MTSS1: variants seen among roughly 807,000 people sequenced by gnomAD.
MTSS1 encodes the protein MTSS I-BAR domain containing 1.
Under a neutral mutation model 79.0 loss-of-function variants are expected in MTSS1, and 18 were observed. The ratio of observed to expected loss-of-function variants is 0.23; its 90% CI spans 0.16 to 0.34. MTSS1 has a LOEUF of 0.34. Ranked by LOEUF, MTSS1 falls within the 10% of genes least tolerant of loss-of-function variation. MTSS1 has a pLI of 1.00. For missense variants in MTSS1, 815 were observed against 986.2 expected, an observed-to-expected ratio of 0.83 and a Z score of 2.33; for synonymous variants, 341 against 368.6, an observed-to-expected ratio of 0.93 and a Z score of 0.86.
At chr8:124,621,349 G>A (rs987328407) in intron 3 of MTSS1, among the ~76,000 whole-genome samples, 1 of 152,188 alleles carries the variant, frequency 6.6e-6, no homozygotes, top group African/African-American at 2.4e-5. Flanking sequence ...CCCCAGCCAT[G>A]GTCTCAGAAG....
chr8:124,728,039 A>C lies in MTSS1; in HGVS notation c.-84T>G. The C allele has an allele frequency of 7.8e-7, 1 of 1,280,350 alleles. No homozygotes were observed. Among genetic ancestry groups the C allele is most frequent in the Non-Finnish European group, 1.1e-6 (1 of 902,038 alleles). 79.3% of individuals were successfully genotyped at this position (1,280,350 alleles called of 1,614,324 possible). The stretch of plus-strand genomic sequence containing the variant: ...CCGGGGCTCGCTCACCCCAGAAGGA[A>C]TTTCACCTTCCGAGAGACCCACCTC... On this transcript the variant is annotated 5_prime_UTR_variant, in exon 1 of 14. Transcript: ENST00000518547. The surrounding 1 kb of genome is among the most constrained non-coding windows in gnomAD (Gnocchi z 6.1).
intron 3 of MTSS1, among the ~76,000 whole-genome samples, chr8:124,676,849 C>T (rs1350488121): frequency 6.6e-6 from 1 of 152,168 alleles, no homozygotes; most frequent in Admixed American, 6.5e-5. Context: ...CATCAATCAG[C>T]CAGCCACGGG....
intron 3 of MTSS1, among the ~76,000 whole-genome samples, chr8:124,660,290 G>A (rs942137966): frequency 1.3e-5 from 2 of 152,156 alleles, no homozygotes; most frequent in Non-Finnish European, 2.9e-5. Flanking sequence ...AATAGGCTGT[G>A]CCACAGAAAC....
intron 1 of MTSS1, 91 bp from the exon 2 acceptor site, chr8:124,704,282 A>G (rs1382044363): frequency 1.8e-6 from 2 of 1,110,080 alleles, no homozygotes; most frequent in African/African-American, 3.1e-5. Context: ...CATGCAGGGA[A>G]CAATCTGTGT....
At chr8:124,665,923 C>T (rs571371239) in intron 3 of MTSS1, among the ~76,000 whole-genome samples, 10 of 151,756 alleles carry the variant, frequency 6.6e-5, no homozygotes, top group Admixed American at 3.3e-4. Context: ...GTTGAAGTTC[C>T]ACTCTACTGC....
intron 1 of MTSS1, among the ~76,000 whole-genome samples, chr8:124,709,669 C>T (rs1587927465): frequency 1.3e-5 from 2 of 152,268 alleles, no homozygotes; most frequent in East Asian, 1.9e-4. Flanking sequence ...ATTAAAGAAA[C>T]GGGAAGAGAA....
intron 3 of MTSS1, among the ~76,000 whole-genome samples, chr8:124,628,970 G>C (rs1418949082): frequency 2.0e-5 from 3 of 152,178 alleles, no homozygotes; most frequent in Non-Finnish European, 4.4e-5. Flanking sequence ...AGTATCTTCA[G>C]GGAGGTTTTA....
chr8:124,596,698 C>T (rs931079787), intron 3 of MTSS1, among the ~76,000 whole-genome samples: 1 of 152,192 alleles, frequency 6.6e-6, no homozygotes, highest in Non-Finnish European at 1.5e-5. Context: ...ATCCAGATGT[C>T]GGCAGGGCCG....
intron 3 of MTSS1, among the ~76,000 whole-genome samples, chr8:124,661,748 A>G (rs1822073745): frequency 6.6e-6 from 1 of 152,138 alleles, no homozygotes; most frequent in South Asian, 2.1e-4. Flanking sequence ...ACTGTCCCAT[A>G]AAGGATTCCC....
At chr8:124,684,345 A>G (rs998455676) in intron 3 of MTSS1, among the ~76,000 whole-genome samples, 27 of 152,224 alleles carry the variant, frequency 1.8e-4, no homozygotes, top group Non-Finnish European at 2.9e-4. Flanking sequence ...CTAAAGGCTC[A>G]ACTATGCCTA....
chr8:124,648,445 C>T (rs1436258106), intron 3 of MTSS1, among the ~76,000 whole-genome samples: 1 of 152,112 alleles, frequency 6.6e-6, no homozygotes, highest in Admixed American at 6.5e-5. Flanking sequence ...CAATGAATTT[C>T]GTCTCACTGG....
intron 6 of MTSS1, among the ~76,000 whole-genome samples, chr8:124,570,652 A>T (rs1827563078): frequency 6.6e-6 from 1 of 152,070 alleles, no homozygotes; most frequent in Admixed American, 6.5e-5. Context: ...TCCCCTGAGG[A>T]GAAGGGGGAA....
intron 6 of MTSS1, chr8:124,580,534 TG>T: frequency 6.5e-7 from 1 of 1,535,726 alleles, no homozygotes; most frequent in Non-Finnish European, 8.7e-7. Context: ...ACCAGAGATT[TG>T]GGATGGTAGA....
At chr8:124,684,726 T>C (rs140249436) in intron 3 of MTSS1, among the ~76,000 whole-genome samples, 3 of 152,218 alleles carry the variant, frequency 2.0e-5, no homozygotes, top group Non-Finnish European at 2.9e-5. Context: ...GCTACAAAGT[T>C]AGGTTTGGTT....
chr8:124,670,049 G>A (rs868072730), intron 3 of MTSS1, among the ~76,000 whole-genome samples: 1 of 152,202 alleles, frequency 6.6e-6, no homozygotes, highest in Non-Finnish European at 1.5e-5. Flanking sequence ...GAGCCTACAT[G>A]CTAGTGGGAG....
At chr8:124,670,264 A>G (rs1000704996) in intron 3 of MTSS1, among the ~76,000 whole-genome samples, 1 of 152,134 alleles carries the variant, frequency 6.6e-6, no homozygotes, top group Non-Finnish European at 1.5e-5. Context: ...AGAGCAACCA[A>G]ACAGAGGGAA....
At chr8:124,656,416 G>A (rs918777868) in intron 3 of MTSS1, among the ~76,000 whole-genome samples, 3 of 150,854 alleles carry the variant, frequency 2.0e-5, no homozygotes, top group Non-Finnish European at 4.4e-5. Context: ...TGAGTAAAAA[G>A]TACGATCTCT....
At chr8:124,585,184 A>T in intron 5 of MTSS1, 23 bp from the exon 6 acceptor site, 1 of 1,569,540 alleles carries the variant, frequency 6.4e-7, no homozygotes, top group Middle Eastern at 1.7e-4. Flanking sequence ...AGAATATGGA[A>T]CAATTTTACC....
chr8:124,580,334 T>C (rs1829805708), intron 6 of MTSS1: 1 of 545,186 alleles, frequency 1.8e-6, no homozygotes, highest in African/African-American at 1.9e-5. Flanking sequence ...AGTGTTGTGC[T>C]AACATCGTAA....
Sources: gnomAD v4.1 joint callset for allele counts (sites outside exome capture counted in the v4.1 genomes callset) on GRCh38, gnomAD v4.1.1 for gene constraint, Gnocchi (gnomAD v3.1) non-coding constraint, MANE v1.5 for transcripts, NCBI Gene and HGNC (gene_info 2026-07-23, HGNC 2026-07-21) for gene names.